Variants in IKBIP observed in about 807,000 individuals in gnomAD.
IKBIP encodes inhibitor of nuclear factor kappa-B kinase-interacting protein.
Under a neutral mutation model 31.0 loss-of-function variants are expected in IKBIP, and 28 were observed. The ratio of observed to expected loss-of-function variants is 0.90; its 90% CI spans 0.67 to 1.24. IKBIP has a LOEUF of 1.24. Ranked by LOEUF, IKBIP falls within the 50% of genes most tolerant of loss-of-function variation. The pLI is 0.00. For missense variants in IKBIP, 453 were observed against 441.9 expected (o/e 1.03, Z -0.23); for synonymous variants, 164 against 160.3 (o/e 1.02, Z -0.17).
chr12:98,619,528 AT>A (rs2097608417), downstream of IKBIP, among the ~76,000 whole-genome samples: 1 of 152,242 alleles, frequency 6.6e-6, no homozygotes, highest in African/African-American at 2.4e-5. Context: ...AGATTGTTGT[AT>A]TAAGTTATTT....
intron 2 of IKBIP, among the ~76,000 whole-genome samples, chr12:98,630,655 T>C (rs552933289): frequency 2.6e-5 from 4 of 152,278 alleles, no homozygotes; most frequent in Admixed American, 2.0e-4. Context: ...CAGGAACCTA[T>C]TGATGACGTT....
At chr12:98,621,887 C>A (rs1338380175), downstream of IKBIP, among the ~76,000 whole-genome samples, 2 of 151,824 alleles carry the variant, frequency 1.3e-5, no homozygotes, top group Admixed American at 1.3e-4. Flanking sequence ...ACCATCCTGG[C>A]CAACATGGAG....
At chr12:98,622,012 G>A (rs571601768), downstream of IKBIP, among the ~76,000 whole-genome samples, 2 of 151,678 alleles carry the variant, frequency 1.3e-5, no homozygotes, top group Admixed American at 1.3e-4. Context: ...GGAGGTGGAG[G>A]TTGCAGTGAG....
rs1335244539 is a variant in IKBIP, at chr12:98,624,342, A to G, written c.*1588T>C. On this transcript the variant is annotated 3_prime_UTR_variant, in exon 3 of 3. Coordinates refer to ENST00000299157, the MANE Select transcript of IKBIP (RefSeq NM_153687.4). ...AATAAGAGACATTCAGAAGTCAAGAAGTGTAATTTTAAGACTGCAAAAATT... is the reference window on the plus strand; with the variant it reads ...AATAAGAGACATTCAGAAGTCAAGAGGTGTAATTTTAAGACTGCAAAAATT... The G allele has an allele frequency of 1.0e-6, 1 of 983,990 alleles. No individual in the cohort carries two copies. Among genetic ancestry groups the G allele is most frequent in the Non-Finnish European group, 1.2e-6 (1 of 828,720 alleles). The allele number at this position is 983,990 out of a possible 1,614,324, so 61.0% of individuals were successfully genotyped here.
chr12:98,615,871 G>A lies in IKBIP; in HGVS notation c.298-1531C>T, dbSNP rs75400546. On this transcript the variant is annotated intron_variant, in intron 2 of 2. Coordinates refer to the IKBIP transcript ENST00000342502. ...GGAGAACCGCATTTTGTGTGTGTGC[G>A]TGTGTGTTATTTATCATTCATCTGT... 7.5e-3 allele frequency among the ~76,000 whole-genome samples: 1,142 copies of A among 152,198 alleles called. 6 individuals are homozygous for A. The highest frequency in any genetic ancestry group is 0.012 in the African/African-American group (500 of 41,514).
downstream of IKBIP, among the ~76,000 whole-genome samples, chr12:98,623,166 C>T (rs1222665911): frequency 2.7e-5 from 4 of 150,760 alleles, no homozygotes; most frequent in South Asian, 2.1e-4. Context: ...TTAGTAGAGA[C>T]GGGGTTTCAC....
chr12:98,634,996 A>T (rs935651626), intron 1 of IKBIP, among the ~76,000 whole-genome samples: 1 of 146,280 alleles, frequency 6.8e-6, no homozygotes, highest in African/African-American at 2.5e-5. Context: ...GGCGTGAGCC[A>T]CCACGCCCGG....
Position 98,634,324 on chromosome 12 carries a change from T to C in IKBIP, c.269A>G (p.Gln90Arg). 6.3e-7 allele frequency: 1 copy of C among 1,586,728 alleles called. No individual in the cohort carries two copies. The highest frequency in any genetic ancestry group is 8.6e-7 in the Non-Finnish European group (1 of 1,156,138). ...KLETNEFQQL[Q>R]SKISLISEKL... ...TTCTGAAATTAAACTGATTTTACTT[T>C]GAAGTTGTTGGAATTCATTGGTTTC... The change falls in exon 2 of 3, where the codon CAA (glutamine) becomes CGA (arginine). Residue 90 changes from glutamine (Q) to arginine (R), a missense_variant. Gln to Arg is a conservative substitution (Grantham distance 43, BLOSUM62 1). Transcript: ENST00000299157.
intron 2 of IKBIP, among the ~76,000 whole-genome samples, chr12:98,614,601 A>G (rs1157140329): frequency 6.6e-6 from 1 of 150,660 alleles, no homozygotes; most frequent in Non-Finnish European, 1.5e-5. Context: ...CTTTTTTTGT[A>G]TTTTTAGTAG....
chr12:98,640,641 A>G (rs2097629578), intron 1 of IKBIP, among the ~76,000 whole-genome samples: 1 of 152,140 alleles, frequency 6.6e-6, no homozygotes, highest in African/African-American at 2.4e-5. Context: ...AAGTAGAATC[A>G]CCTCAATTCT....
chr12:98,634,472 CA>C, intron 1 of IKBIP, 59 bp from the exon 2 acceptor site: 1 of 825,728 alleles, frequency 1.2e-6, no homozygotes, highest in Non-Finnish European at 2.0e-6. Context: ...ATCCGAATTT[CA>C]AAGGAGAATT....
Position 98,644,640 on chromosome 12 carries a change from C to T in IKBIP, c.62G>A (p.Gly21Glu). The T allele has an allele frequency of 1.9e-6, 3 of 1,611,058 alleles. No homozygotes were observed. Among genetic ancestry groups the T allele is most frequent in the Non-Finnish European group, 2.5e-6 (3 of 1,179,312 alleles). ...GPKGAPAAEP[G>E]KRSEGGKTPV... The stretch of plus-strand genomic sequence containing the variant: ...GGTCTTCCCGCCCTCGCTCCGCTTC[C>T]CGGGCTCCGCAGCAGGGGCTCCCTT... The change falls in exon 1 of 3, where the codon GGG (glycine) becomes GAG (glutamate). Residue 21 changes from glycine to glutamate, a missense_variant. By Grantham distance (98) the Gly-to-Glu change is moderately conservative (BLOSUM62 -2). Transcript: ENST00000299157.
chr12:98,618,196 A>G (rs570323882), intron 2 of IKBIP, among the ~76,000 whole-genome samples: 6 of 152,330 alleles, frequency 3.9e-5, no homozygotes, highest in African/African-American at 1.4e-4. Context: ...AAAAAAATTG[A>G]AATTAAAATT....
intron 2 of IKBIP, among the ~76,000 whole-genome samples, chr12:98,634,007 A>T (rs2097623475): frequency 6.6e-6 from 1 of 152,172 alleles, no homozygotes; most frequent in Admixed American, 6.5e-5. Context: ...CCATATTTTC[A>T]ATGCTCTAGA....
Position 98,614,283 on chromosome 12 carries a change from G to C in IKBIP, c.355C>G (p.Leu119Val), listed in dbSNP as rs1340183127. The C allele has an allele frequency of 8.1e-6, 13 of 1,603,830 alleles. No homozygotes were observed. The Admixed American group carries it at 2.2e-4, about 27-fold the overall frequency. The change falls in exon 3 of 3, where the codon CTA becomes GTA. Residue 119 changes from leucine to valine, a missense_variant. Leu to Val is a conservative substitution (Grantham distance 32). Coordinates refer to the IKBIP transcript ENST00000342502. ...TTAATTTCTTCCTGTAGACGCTTTA[G>C]ATGAGCAATTATTTGAAAAGACTTC...
chr12:98,632,532 T>C (rs1243528125), intron 2 of IKBIP, among the ~76,000 whole-genome samples: 1 of 92,320 alleles, frequency 1.1e-5, no homozygotes, highest in African/African-American at 4.3e-5. Flanking sequence ...TATATATATA[T>C]ATATATATAT....
exon 3 of IKBIP, chr12:98,613,730 A>G (rs767054577): frequency 6.2e-7 from 1 of 1,612,868 alleles, no homozygotes; most frequent in Non-Finnish European, 8.5e-7. Flanking sequence ...CCCAATGCGT[A>G]GTGTTAAATC....
At chr12:98,640,494 A>AATCTATT (rs1409225475) in intron 1 of IKBIP, among the ~76,000 whole-genome samples, 1 of 152,152 alleles carries the variant, frequency 6.6e-6, no homozygotes, top group Non-Finnish European at 1.5e-5. Flanking sequence ...GCAATTAAAA[A>AATCTATT]ATCTATTGAA....
At chr12:98,630,971 T>G (rs1431751188) in intron 2 of IKBIP, among the ~76,000 whole-genome samples, 1 of 151,992 alleles carries the variant, frequency 6.6e-6, no homozygotes, top group South Asian at 2.1e-4. Context: ...TCGCTCTTGT[T>G]GCCCAGGCTG....
Sources: allele counts gnomAD v4.1 joint callset (sites outside exome capture counted in the v4.1 genomes callset), GRCh38; gene constraint gnomAD v4.1.1; transcripts MANE v1.5; gene names NCBI Gene and HGNC (gene_info 2026-07-23, HGNC 2026-07-21).